The following CLIP1 variants were observed in gnomAD, a reference collection of about 807,000 sequenced individuals.
The protein encoded by CLIP1 is CAP-Gly domain-containing linker protein 1.
In CLIP1, 66 loss-of-function variants were observed where a neutral mutation model predicts 161.6. The observed-to-expected ratio is 0.41, with a 90% confidence interval of 0.33 to 0.50. The LOEUF is 0.50. Among genes scored for constraint, CLIP1 ranks in the 20% least tolerant of loss-of-function variants. The pLI is 0.27. For synonymous variants in CLIP1, 598 were observed against 626.2 expected, an observed-to-expected ratio of 0.96 and a Z score of 0.67; for missense variants, 1,376 against 1,702.0, an observed-to-expected ratio of 0.81 and a Z score of 3.37.
At chr12:122,414,845 C>T (rs780622058) in intron 1 of CLIP1, among the ~76,000 whole-genome samples, 19 of 152,142 alleles carry the variant, frequency 1.2e-4, no homozygotes, top group Middle Eastern at 3.4e-3. Context: ...TTAAAGCATA[C>T]GGATTCTTTG....
intron 1 of CLIP1, among the ~76,000 whole-genome samples, chr12:122,397,287 A>G (rs1250377384): frequency 1.3e-5 from 2 of 149,052 alleles, no homozygotes; most frequent in African/African-American, 4.9e-5. Flanking sequence ...GAAAGCATGT[A>G]CTGAAGACAA....
In CLIP1 at chr12:122,347,454, C is replaced by A; in HGVS notation, c.1427G>T (p.Arg476Leu). The change falls in exon 10 of 26, where the codon CGC becomes CTC. Residue 476 changes from arginine (R) to leucine (L), a missense_variant. By Grantham distance (102) the Arg-to-Leu change is moderately radical (BLOSUM62 -2). This residue lies in a region of CLIP1 where 948 missense variants were observed against 1,134.8 expected (regional missense o/e 0.84). Coordinates refer to ENST00000620786, the MANE Select transcript of CLIP1 (RefSeq NM_001247997.2). Reference protein sequence around the residue: ...ENTQTKLEHARIKELEQSLLF... With the variant: ...ENTQTKLEHALIKELEQSLLF... Reference sequence around the variant, plus strand: ...CAGGCTCTGTTCAAGCTCCTTAATGCGGGCATGCTCCAGTTTGGTCTGCGT... The same window carrying A: ...CAGGCTCTGTTCAAGCTCCTTAATGAGGGCATGCTCCAGTTTGGTCTGCGT... 5 of 1,613,486 alleles carry A rather than the reference C, an allele frequency of 3.1e-6. 1 individual carries two copies. Among genetic ancestry groups the A allele is most frequent in the South Asian group, 1.1e-5 (1 of 91,052 alleles).
intron 3 of CLIP1, among the ~76,000 whole-genome samples, chr12:122,368,851 A>G (rs983511419): frequency 6.6e-6 from 1 of 151,852 alleles, no homozygotes; most frequent in Admixed American, 6.6e-5. Flanking sequence ...AAATCACTTC[A>G]ACCCCAGAGG....
chr12:122,408,023 G>T (rs1956394851), intron 1 of CLIP1, among the ~76,000 whole-genome samples: 1 of 151,746 alleles, frequency 6.6e-6, no homozygotes, highest in African/African-American at 2.4e-5. Context: ...ATCACCTGAG[G>T]TCAGGAGTTC....
At chr12:122,334,772 C>A in intron 12 of CLIP1, 67 bp from the exon 13 acceptor site, 1 of 975,442 alleles carries the variant, frequency 1.0e-6, no homozygotes. Flanking sequence ...AAGTTTCTAT[C>A]AATTATAACT....
intron 19 of CLIP1, among the ~76,000 whole-genome samples, chr12:122,316,513 T>G (rs1272695746): frequency 1.3e-5 from 2 of 152,020 alleles, no homozygotes; most frequent in Non-Finnish European, 2.9e-5. Flanking sequence ...CACCCCAAAG[T>G]CACATCTGAA....
chr12:122,353,587 CTGAG>C (rs1953160088), intron 7 of CLIP1, among the ~76,000 whole-genome samples: 1 of 152,158 alleles, frequency 6.6e-6, no homozygotes, highest in Non-Finnish European at 1.5e-5. Context: ...GCACTCCAGC[CTGAG>C]TGACAGAGTG....
rs576837400 is a variant in CLIP1 at position 122,325,317 on chromosome 12, C to T, written c.3249+2630G>A. On this transcript the variant is annotated intron_variant, in intron 17 of 25. Coordinates refer to ENST00000620786, the MANE Select transcript of CLIP1 (RefSeq NM_001247997.2). ...AAGTGATCCACCCACCTAGGCCTCC[C>T]GAAGTGCTGGGATTACAGGCATGAG... Among the ~76,000 whole-genome samples the T allele has an allele frequency of 5.9e-5, 9 of 152,128 alleles. No individual in the cohort carries two copies. The East Asian group carries it at 1.4e-3, about 23-fold the overall frequency.
At chr12:122,325,145 G>A (rs185922342) in intron 17 of CLIP1, among the ~76,000 whole-genome samples, 6 of 149,760 alleles carry the variant, frequency 4.0e-5, no homozygotes, top group Admixed American at 6.7e-5. Flanking sequence ...TGCAACCTCC[G>A]CCTCTGGGTT....
chr12:122,408,444 G>C (rs1362424377), intron 1 of CLIP1, among the ~76,000 whole-genome samples: 1 of 151,836 alleles, frequency 6.6e-6, no homozygotes, highest in Non-Finnish European at 1.5e-5. Flanking sequence ...TACCTCCCAG[G>C]TTCACGCCAT....
chr12:122,301,306 A>G (rs1161861821), intron 20 of CLIP1, among the ~76,000 whole-genome samples: 1 of 152,252 alleles, frequency 6.6e-6, no homozygotes, highest in African/African-American at 2.4e-5. Context: ...ATAGTAGAAT[A>G]TATGAGCATT....
chr12:122,344,322 T>C lies in CLIP1; in HGVS notation c.1507-2625A>G, dbSNP rs140218597. Among the ~76,000 whole-genome samples, 837 of 152,310 alleles carry C rather than the reference T, an allele frequency of 5.5e-3. 7 individuals are homozygous for C. Among genetic ancestry groups the C allele is most frequent in the African/African-American group, 0.019 (797 of 41,566 alleles). ...GGTTATAGACTCATCAGGTTAAAGA[T>C]GTTAATTCATTTACACATGATTTTC... On this transcript the variant is annotated intron_variant, in intron 10 of 25. Coordinates refer to ENST00000620786, the MANE Select transcript of CLIP1 (RefSeq NM_001247997.2).
chr12:122,316,130 A>G (rs546765199), intron 19 of CLIP1, among the ~76,000 whole-genome samples: 3 of 151,350 alleles, frequency 2.0e-5, no homozygotes, highest in East Asian at 4.0e-4. Context: ...AGGAGGGAGG[A>G]TCACTTGAGG....
At position 122,311,172 on chromosome 12, in the gene CLIP1, A is replaced by G. The variant is rs1386674004; in HGVS notation, c.3474-1290T>C. Among the ~76,000 whole-genome samples the G allele has an allele frequency of 6.6e-6, 1 of 152,118 alleles. No individual in the cohort carries two copies. The highest frequency in any genetic ancestry group is 1.5e-5 in the Non-Finnish European group (1 of 68,020). ...AAAGTTCATCTGTCCAAAGTCCATCAATCTTTGACAAATCAAATTTCCTTA... is the reference window on the plus strand; with the variant it reads ...AAAGTTCATCTGTCCAAAGTCCATCGATCTTTGACAAATCAAATTTCCTTA... On this transcript the variant is annotated intron_variant, in intron 19 of 25. Transcript: ENST00000620786. The surrounding 1 kb of genome is among the most constrained non-coding windows in gnomAD (Gnocchi z 4.3).
chr12:122,272,503 G>C lies in CLIP1; in HGVS notation c.*372C>G, dbSNP rs1007783565. On this transcript the variant is annotated 3_prime_UTR_variant, in exon 26 of 26. Coordinates refer to ENST00000620786, the MANE Select transcript of CLIP1 (RefSeq NM_001247997.2). ...AATCTAAATATACAAATGCAGCCTG[G>C]AAATATCTTAGTGCAAATATGAAAA... 5.8e-6 allele frequency: 1 copy of C among 173,768 alleles called. No homozygotes were observed. Among genetic ancestry groups the C allele is most frequent in the Admixed American group, 5.8e-5 (1 of 17,126 alleles). The allele number at this position is 173,768 out of a possible 1,614,324, so 10.8% of individuals were successfully genotyped here. A position where few individuals can be genotyped will look rare whatever the true frequency, so the allele number is the denominator to read the frequency against.
At chr12:122,360,371 C>T (rs563857041) in intron 5 of CLIP1, among the ~76,000 whole-genome samples, 59 of 143,218 alleles carry the variant, frequency 4.1e-4, no homozygotes, top group African/African-American at 1.4e-3. Context: ...CCTAAGAATT[C>T]GAGACCAGCC....
At chr12:122,390,045 C>T (rs1955528002) in intron 1 of CLIP1, among the ~76,000 whole-genome samples, 1 of 149,216 alleles carries the variant, frequency 6.7e-6, no homozygotes, top group South Asian at 2.1e-4. Context: ...CCTGTTCCCC[C>T]TTTGCCTTCC....
At chr12:122,390,198 A>ATATATATATATATATATATAT (rs1955552463) in intron 1 of CLIP1, among the ~76,000 whole-genome samples, 1 of 77,840 alleles carries the variant, frequency 1.3e-5, no homozygotes, top group Non-Finnish European at 3.3e-5. Flanking sequence ...TATATATATA[A>ATATATATATATATATATATAT]TATATATATA....
chr12:122,273,986 G>A, intron 25 of CLIP1, 52 bp downstream of exon 25: 5 of 1,567,398 alleles, frequency 3.2e-6, no homozygotes, highest in Admixed American at 1.7e-5. Flanking sequence ...GCCCGCCTCG[G>A]CCTCCCAAAG....
Sources: gnomAD v4.1 joint callset for allele counts (sites outside exome capture counted in the v4.1 genomes callset) on GRCh38, gnomAD v4.1.1 for gene constraint, gnomAD v4.1.1 regional missense constraint, Gnocchi (gnomAD v3.1) non-coding constraint, MANE v1.5 for transcripts, NCBI Gene and HGNC (gene_info 2026-07-23, HGNC 2026-07-21) for gene names.